ALMS1: variants seen among roughly 807,000 people sequenced by gnomAD.
ALMS1 encodes the protein ALMS1 centrosome and basal body associated protein.
In ALMS1, 271 loss-of-function variants were observed where a neutral mutation model predicts 352.2. The ratio of observed to expected loss-of-function variants is 0.77; its 90% CI spans 0.70 to 0.85. The LOEUF (loss-of-function observed/expected upper bound fraction) is 0.85. ALMS1 is among the 40% of genes least tolerant of loss of function. The pLI, the probability that ALMS1 is intolerant of heterozygous loss-of-function variation, is 0.00. For missense variants in ALMS1, 5,445 were observed against 4,870.7 expected, an observed-to-expected ratio of 1.12 and a Z score of -3.51; for synonymous variants, 1,865 against 1,761.2, an observed-to-expected ratio of 1.06 and a Z score of -1.48.
At chr2:73,417,560 A>G (rs964595484) in intron 2 of ALMS1, among the ~76,000 whole-genome samples, 38 of 152,234 alleles carry the variant, frequency 2.5e-4, no homozygotes, top group Middle Eastern at 3.4e-3. Context: ...AAATGTGAAC[A>G]TGTTTCAATA....
chr2:73,398,557 T>C (rs988281904), intron 1 of ALMS1, among the ~76,000 whole-genome samples: 1 of 152,220 alleles, frequency 6.6e-6, no homozygotes, highest in African/African-American at 2.4e-5. Context: ...CTTGACAATA[T>C]TGAGTATTTC....
intron 12 of ALMS1, among the ~76,000 whole-genome samples, chr2:73,535,396 G>C (rs1674006785): frequency 6.6e-6 from 1 of 151,938 alleles, no homozygotes; most frequent in South Asian, 2.1e-4. Context: ...AAAAAAATTT[G>C]TTCATAAATA....
chr2:73,406,692 A>G (rs901924336), intron 1 of ALMS1, among the ~76,000 whole-genome samples: 2 of 152,168 alleles, frequency 1.3e-5, no homozygotes, highest in African/African-American at 4.8e-5. Flanking sequence ...AGTCCTTTAT[A>G]GCTTTGCCCC....
rs1674402523 is a variant in ALMS1, at chr2:73,550,295, C to G, written c.9936C>G (p.Phe3312Leu). The change falls in exon 13 of 23, where the codon TTC (phenylalanine) becomes TTG (leucine). Residue 3312 changes from phenylalanine to leucine, a missense_variant. Coordinates refer to ENST00000613296, the MANE Select transcript of ALMS1 (RefSeq NM_001378454.1). ...SGSNDAIAPD[F>L]PAQVLGTRDD... ...CCAATGATGCCATTGCTCCAGACTT[C>G]CCAGCTCAGGTGCTAGGCACAAGAG... is the stretch of plus-strand genomic sequence containing the variant. The G allele has an allele frequency of 6.2e-7, 1 of 1,613,978 alleles. No homozygotes were observed. The highest frequency in any genetic ancestry group is 1.3e-5 in the African/African-American group (1 of 74,932).
chr2:73,595,026 T>C (rs1023587315), intron 16 of ALMS1, among the ~76,000 whole-genome samples: 1 of 152,204 alleles, frequency 6.6e-6, no homozygotes, highest in South Asian at 2.1e-4. Flanking sequence ...GTTATTCCTT[T>C]TGAACTCCTT....
intron 9 of ALMS1, among the ~76,000 whole-genome samples, chr2:73,469,013 T>A (rs936428487): frequency 3.4e-5 from 5 of 148,930 alleles, no homozygotes; most frequent in Middle Eastern, 3.5e-3. Context: ...GAGATCATTT[T>A]GGCCCCTTCC....
At chr2:73,508,496 C>T (rs1237832942) in intron 10 of ALMS1, among the ~76,000 whole-genome samples, 2 of 152,006 alleles carry the variant, frequency 1.3e-5, no homozygotes, top group Non-Finnish European at 2.9e-5. Flanking sequence ...TGAGCCACCG[C>T]ACCCGGCTGA....
At chr2:73,432,130 TG>T in intron 6 of ALMS1, 67 bp from the exon 7 acceptor site, 1 of 1,111,154 alleles carries the variant, frequency 9.0e-7, no homozygotes, top group Middle Eastern at 2.0e-4. Context: ...TCTTCGTAGG[TG>T]GGTCATTCTA....
chr2:73,518,345 T>G (rs1673602279), intron 10 of ALMS1, among the ~76,000 whole-genome samples: 1 of 152,218 alleles, frequency 6.6e-6, no homozygotes, highest in Admixed American at 6.5e-5. Context: ...GTGTACCACA[T>G]TTTCTTTATC....
chr2:73,502,070 A>G (rs927232438), intron 10 of ALMS1, among the ~76,000 whole-genome samples: 1 of 152,138 alleles, frequency 6.6e-6, no homozygotes, highest in Non-Finnish European at 1.5e-5. Context: ...TTGCTTATAT[A>G]TAGAAATACT....
rs750585442 is a variant in ALMS1 at position 73,432,182 on chromosome 2, A to G, written c.1339-16A>G. 1.3e-6 allele frequency: 2 copies of G among 1,595,784 alleles called. No individual in the cohort carries two copies. Among genetic ancestry groups the G allele is most frequent in the Non-Finnish European group, 8.6e-7 (1 of 1,163,648 alleles). Reference sequence around the variant, plus strand: ...AGTCTTTTTCATTTTTATTGCCTTCATTTGTTCCACATAAGCCAACAAGAG... The same window carrying G: ...AGTCTTTTTCATTTTTATTGCCTTCGTTTGTTCCACATAAGCCAACAAGAG... On this transcript the variant is annotated splice_polypyrimidine_tract_variant and intron_variant, in intron 6 of 22. Transcript: ENST00000613296.
chr2:73,606,211 A>G (rs1675813342), intron 21 of ALMS1, among the ~76,000 whole-genome samples: 1 of 152,234 alleles, frequency 6.6e-6, no homozygotes, highest in African/African-American at 2.4e-5. Flanking sequence ...TGTTATTTCA[A>G]GTGAATAAAA....
At chr2:73,492,968 TAAAA>T (rs34376546) in intron 10 of ALMS1, among the ~76,000 whole-genome samples, 2 of 141,940 alleles carry the variant, frequency 1.4e-5, no homozygotes, top group African/African-American at 2.5e-5. Context: ...TATTGATACT[TAAAA>T]AAAAAAAAAA....
chr2:73,572,525 A>C lies in ALMS1; in HGVS notation c.10648A>C (p.Ile3550Leu), dbSNP rs766193205. The C allele has an allele frequency of 1.2e-6, 2 of 1,613,836 alleles. No homozygotes were observed. Among genetic ancestry groups the C allele is most frequent in the South Asian group, 2.2e-5 (2 of 91,040 alleles). Residue 3550 changes from isoleucine (I) to leucine (L), a missense_variant, in exon 16 of 23, where the codon ATC (isoleucine) becomes CTC (leucine). Ile to Leu is a conservative substitution (Grantham distance 5). Coordinates refer to ENST00000613296, the MANE Select transcript of ALMS1 (RefSeq NM_001378454.1). ...TTATACCAGAATAAAGAGCCTCAGCATCAATGTGAATTTGGGAAACAAAGA... is the reference window on the plus strand; with the variant it reads ...TTATACCAGAATAAAGAGCCTCAGCCTCAATGTGAATTTGGGAAACAAAGA... ...TDYTRIKSLS[I>L]NVNLGNKEVM...
chr2:73,593,472 A>G (rs1354299877), intron 16 of ALMS1, among the ~76,000 whole-genome samples: 1 of 152,214 alleles, frequency 6.6e-6, no homozygotes, highest in Non-Finnish European at 1.5e-5. Context: ...TTTCGGTAAC[A>G]TAGGAGATGC....
intron 9 of ALMS1, among the ~76,000 whole-genome samples, chr2:73,482,421 A>T (rs907921989): frequency 3.3e-5 from 5 of 152,210 alleles, no homozygotes; most frequent in Non-Finnish European, 7.3e-5. Flanking sequence ...CATCCCAGGG[A>T]TGAAGCCCAC....
intron 9 of ALMS1, among the ~76,000 whole-genome samples, chr2:73,478,879 C>G (rs575653996): frequency 6.6e-6 from 1 of 152,026 alleles, no homozygotes; most frequent in African/African-American, 2.4e-5. Flanking sequence ...GTGATGTTCC[C>G]CTCCCTGTGT....
At chr2:73,481,780 A>G (rs1672710714) in intron 9 of ALMS1, among the ~76,000 whole-genome samples, 1 of 150,800 alleles carries the variant, frequency 6.6e-6, no homozygotes, top group Non-Finnish European at 1.5e-5. Flanking sequence ...TTCTCCTTGA[A>G]GAGGTCCTTC....
intron 2 of ALMS1, among the ~76,000 whole-genome samples, chr2:73,413,454 G>C (rs1050407366): frequency 1.3e-5 from 2 of 151,868 alleles, no homozygotes; most frequent in Admixed American, 1.3e-4. Context: ...TGGCACTATT[G>C]ACATTTTGGG....
Sources: gnomAD v4.1 joint callset for allele counts (sites outside exome capture counted in the v4.1 genomes callset) on GRCh38, gnomAD v4.1.1 for gene constraint, MANE v1.5 for transcripts, NCBI Gene and HGNC (gene_info 2026-07-23, HGNC 2026-07-21) for gene names.